Variants in FER1L5 observed in about 807,000 individuals in gnomAD.
FER1L5 encodes fer-1 like family member 5.
In FER1L5, 187 loss-of-function variants were observed where a neutral mutation model predicts 279.9. The observed-to-expected ratio is 0.67, with a 90% CI of 0.59 to 0.75. The LOEUF (loss-of-function observed/expected upper bound fraction) is 0.75. Ranked by LOEUF, FER1L5 falls within the 30% of genes least tolerant of loss-of-function variation. FER1L5 has a pLI of 0.00. For synonymous variants in FER1L5, 921 were observed against 989.7 expected (o/e 0.93, Z 1.30); for missense variants, 2,091 against 2,594.4 (o/e 0.81, Z 4.21).
chr2:96,650,131 C>A, intron 5 of FER1L5, 49 bp from the exon 6 acceptor site: 2 of 1,426,538 alleles, frequency 1.4e-6, no homozygotes, highest in Non-Finnish European at 1.9e-6. Flanking sequence ...ATACCTCAAA[C>A]CTCCTGGGCC....
chr2:96,693,875 C>T (rs1039141872), intron 32 of FER1L5, 36 bp from the exon 33 acceptor site: 15 of 1,516,392 alleles, frequency 9.9e-6, no homozygotes, highest in South Asian at 7.8e-5. Context: ...GCCCTGCCAG[C>T]ATGGCCTCCA....
chr2:96,685,309 A>G lies in FER1L5; in HGVS notation c.1795-20A>G. ...CCATGCTGAGGCGGGCTCTCTCACC[A>G]TTTCTCTCCTGCTGGGCAGAAAGCC... On this transcript the variant is annotated intron_variant, in intron 20 of 52. Coordinates refer to ENST00000624922, the MANE Select transcript of FER1L5 (RefSeq NM_001293083.2). 1 of 1,550,222 alleles carries G rather than the reference A, an allele frequency of 6.5e-7. No homozygotes were observed. Among genetic ancestry groups the G allele is most frequent in the Non-Finnish European group, 8.7e-7 (1 of 1,146,196 alleles).
chr2:96,670,212 A>G lies in FER1L5; in HGVS notation c.1456A>G (p.Ile486Val), dbSNP rs559935900. 1 of 1,551,626 alleles carries G rather than the reference A, an allele frequency of 6.4e-7. No homozygotes were observed. Among genetic ancestry groups the G allele is most frequent in the South Asian group, 1.2e-5 (1 of 84,062 alleles). The change falls in exon 18 of 53, where the codon ATA (isoleucine) becomes GTA (valine). Residue 486 changes from isoleucine (I) to valine (V), a missense_variant. Ile to Val is a conservative substitution (Grantham distance 29). Transcript: ENST00000624922. Reference protein sequence around the residue: ...TQIKSYQDSTIKDLSHEVTRI... With the variant: ...TQIKSYQDSTVKDLSHEVTRI... ...AATCAAGTCCTATCAAGACTCCACG[A>G]TAAAGGATCTCTCCCATGAAGTGAC...
chr2:96,703,312 G>A lies in FER1L5; in HGVS notation c.5657G>A (p.Cys1886Tyr), dbSNP rs1170583550. The A allele has an allele frequency of 6.2e-7, 1 of 1,612,968 alleles. No homozygotes were observed. Among genetic ancestry groups the A allele is most frequent in the East Asian group, 2.2e-5 (1 of 44,884 alleles). Reference sequence around the variant, plus strand: ...AAGACTGTGACTGGCTGGTGGCCTTGCCAGGTCCTCGATGGTGGCAAATGG... The same window carrying A: ...AAGACTGTGACTGGCTGGTGGCCTTACCAGGTCCTCGATGGTGGCAAATGG... ...KKKTVTGWWP[C>Y]QVLDGGKWRL... The change falls in exon 50 of 53, where the codon TGC becomes TAC. Residue 1886 changes from cysteine (C) to tyrosine (Y), a missense_variant. Transcript: ENST00000624922.
chr2:96,692,053 G>T, intron 30 of FER1L5, 51 bp from the exon 31 acceptor site: 1 of 1,550,038 alleles, frequency 6.5e-7, no homozygotes, highest in East Asian at 2.4e-5. Flanking sequence ...CAGTCAGAGG[G>T]AGCCGCTGGG....
Position 96,689,492 on chromosome 2 carries a change from G to A in FER1L5, c.2525+116G>A. ...CTAAGCCTGGTGCCAGAGGGCCGAG[G>A]TGCACCAGGCCAAGGGCCCTGCCCA... On this transcript the variant is annotated intron_variant, in intron 25 of 52. Coordinates refer to ENST00000624922, the MANE Select transcript of FER1L5 (RefSeq NM_001293083.2). This position sits in a 1 kb window ranked among gnomAD's most constrained non-coding sequence, Gnocchi z 4.6. 6.7e-7 allele frequency: 1 copy of A among 1,487,974 alleles called. No individual in the cohort carries two copies. The highest frequency in any genetic ancestry group is 9.1e-7 in the Non-Finnish European group (1 of 1,100,136). The allele number at this position is 1,487,974 out of a possible 1,614,324, so 92.2% of individuals were successfully genotyped here. A position where few individuals can be genotyped will look rare whatever the true frequency, so the allele number is the denominator to read the frequency against.
At chr2:96,660,486 T>G (rs1310577659) in intron 10 of FER1L5, 115 bp downstream of exon 10, 2 of 879,716 alleles carry the variant, frequency 2.3e-6, no homozygotes, top group South Asian at 1.5e-5. Context: ...TATTAGAGAT[T>G]GTAAATTATT....
At chr2:96,683,323 G>A (rs1249487684) in intron 19 of FER1L5, among the ~76,000 whole-genome samples, 3 of 152,122 alleles carry the variant, frequency 2.0e-5, no homozygotes, top group Non-Finnish European at 2.9e-5. Context: ...GGTTGCTGTG[G>A]TCCTTGGTGT....
At chr2:96,696,271 G>A (rs532891376) in intron 37 of FER1L5, among the ~76,000 whole-genome samples, 194 bp downstream of exon 37, 1 of 152,042 alleles carries the variant, frequency 6.6e-6, no homozygotes, top group Non-Finnish European at 1.5e-5. Context: ...TCATCTGAGA[G>A]TTTTTGATTT....
chr2:96,659,427 T>TTCTG (rs1558854480), intron 9 of FER1L5, among the ~76,000 whole-genome samples: 1 of 14,082 alleles, frequency 7.1e-5, no homozygotes, highest in South Asian at 2.9e-3. Context: ...CTTTCTTTCT[T>TTCTG]TCTTTCTTTC....
intron 19 of FER1L5, among the ~76,000 whole-genome samples, chr2:96,682,922 TTTAAA>T (rs565998478): frequency 6.6e-4 from 100 of 152,316 alleles, no homozygotes; most frequent in African/African-American, 2.1e-3. Flanking sequence ...TTGAGACCAC[TTTAAA>T]TTAAATTTTT....
chr2:96,683,705 A>G (rs1388960409), intron 19 of FER1L5, among the ~76,000 whole-genome samples: 1 of 152,114 alleles, frequency 6.6e-6, no homozygotes, highest in Non-Finnish European at 1.5e-5. Flanking sequence ...ACTTTCCAGA[A>G]ATTTGGAGAA....
Position 96,669,030 on chromosome 2 carries a change from T to A in FER1L5, c.1268-13T>A, listed in dbSNP as rs1403454232. 2 of 1,551,548 alleles carry A rather than the reference T, an allele frequency of 1.3e-6. No individual in the cohort carries two copies. Among genetic ancestry groups the A allele is most frequent in the South Asian group, 2.4e-5 (2 of 84,058 alleles). On this transcript the variant is annotated splice_polypyrimidine_tract_variant and intron_variant, in intron 16 of 52. Transcript: ENST00000624922. ...GTCCTGCGCCCGACCCTTCTCACTC[T>A]CTCTCCTTCCAGGAGTGTACTCCGG...
At chr2:96,672,970 G>T (rs763544043) in intron 18 of FER1L5, 107 bp from the exon 19 acceptor site, 188 of 1,379,948 alleles carry the variant, frequency 1.4e-4, no homozygotes, top group Non-Finnish European at 1.8e-4. Context: ...GGGAGAGAAG[G>T]GAAGATGGCT....
chr2:96,692,142 G>A lies in FER1L5; in HGVS notation c.3253G>A (p.Ala1085Thr), dbSNP rs1275836577. The A allele has an allele frequency of 1.3e-6, 2 of 1,551,510 alleles. No individual in the cohort carries two copies. Among genetic ancestry groups the A allele is most frequent in the Admixed American group, 3.9e-5 (2 of 50,982 alleles). The stretch of plus-strand genomic sequence containing the variant: ...CCAGCTCTTCTGCTACATCTACCAG[G>A]CCCGGAACCTGGTGTCCAATCAGAT... ...YYQLFCYIYQ[A>T]RNLVSNQILT... The change falls in exon 31 of 53, where the codon GCC (alanine) becomes ACC (threonine). Residue 1085 changes from alanine (A) to threonine (T), a missense_variant. By Grantham distance (58) the Ala-to-Thr change is moderately conservative. Transcript: ENST00000624922.
At chr2:96,659,523 G>C (rs190211369) in intron 9 of FER1L5, among the ~76,000 whole-genome samples, 1 of 118,404 alleles carries the variant, frequency 8.4e-6, no homozygotes, top group African/African-American at 3.1e-5. Context: ...ACAGAGTCTC[G>C]CTCTGTCGCC....
chr2:96,653,666 T>C lies in FER1L5; in HGVS notation c.660T>C (p.Val220=), dbSNP rs867941174. The C allele has an allele frequency of 1.0e-5, 16 of 1,551,558 alleles. No homozygotes were observed. In the Middle Eastern group the frequency reaches 2.4e-3, roughly 229 times the overall value. The part of the protein sequence containing the change: ...NEIFFQNFHE[V]PAKFFDETIL... ...TCTTCTTCCAGAATTTTCATGAGGT[T>C]CCTGCAAAGTTCTTTGATGAGACCA... The change falls in exon 8 of 53, where the codon GTT becomes GTC. Residue 220 remains valine (V), a synonymous_variant. Coordinates refer to ENST00000624922, the MANE Select transcript of FER1L5 (RefSeq NM_001293083.2).
chr2:96,675,924 G>A (rs976317373), intron 19 of FER1L5, among the ~76,000 whole-genome samples: 3 of 152,008 alleles, frequency 2.0e-5, no homozygotes, highest in African/African-American at 7.2e-5. Flanking sequence ...CGCTCAGCCC[G>A]GTTGATTATC....
At chr2:96,690,907 A>C (rs961940952) in intron 27 of FER1L5, among the ~76,000 whole-genome samples, 1 of 152,254 alleles carries the variant, frequency 6.6e-6, no homozygotes, top group Non-Finnish European at 1.5e-5. Flanking sequence ...TGCAAGTCTC[A>C]AGGTCCGGGC....
Sources: gnomAD v4.1 joint callset for allele counts (sites outside exome capture counted in the v4.1 genomes callset) on GRCh38, gnomAD v4.1.1 for gene constraint, Gnocchi (gnomAD v3.1) non-coding constraint, MANE v1.5 for transcripts, NCBI Gene and HGNC (gene_info 2026-07-23, HGNC 2026-07-21) for gene names.